Variants in FBXL4 observed in about 807,000 individuals in gnomAD.
FBXL4 encodes F-box and leucine rich repeat protein 4, also known as F-box/LRR-repeat protein 4.
FBXL4 carries 40 observed loss-of-function variants against 58.9 expected under a neutral mutation model. The observed-to-expected ratio is 0.68, with a 90% confidence interval of 0.53 to 0.88. FBXL4 has a LOEUF of 0.88. FBXL4 is among the 40% of genes least tolerant of loss of function. The pLI is 0.00. For synonymous variants in FBXL4, 263 were observed against 265.5 expected (o/e 0.99, Z 0.09); for missense variants, 676 against 734.4 (o/e 0.92, Z 0.92).
chr6:98,875,814 ATTGC>A, intron 8 of FBXL4, 87 bp from the exon 9 acceptor site: 1 of 1,309,960 alleles, frequency 7.6e-7, no homozygotes, highest in Non-Finnish European at 1.1e-6. Context: ...ATTATAACCT[ATTGC>A]TTTGCTTCCA....
intron 7 of FBXL4, among the ~76,000 whole-genome samples, chr6:98,896,273 G>C (rs531427461): frequency 6.6e-6 from 1 of 152,304 alleles, no homozygotes; most frequent in East Asian, 1.9e-4. Flanking sequence ...TAAAAGGAGT[G>C]TGTGTATCAA....
At chr6:98,886,680 G>A (rs946214987) in intron 7 of FBXL4, among the ~76,000 whole-genome samples, 2 of 152,120 alleles carry the variant, frequency 1.3e-5, no homozygotes, top group African/African-American at 4.8e-5. Flanking sequence ...AAGGTATAGA[G>A]GTCCTGCTCT....
In FBXL4 at chr6:98,913,049, T is replaced by C. The variant is rs542087865; in HGVS notation, c.858+4325A>G. Reference sequence around the variant, plus strand: ...ATCCTAGTCTCTGATAAAACAGACTTTAAACCAACAAAGATCAAAAGAGAC... The same window carrying C: ...ATCCTAGTCTCTGATAAAACAGACTCTAAACCAACAAAGATCAAAAGAGAC... On this transcript the variant is annotated intron_variant, in intron 5 of 9. Transcript: ENST00000369244. Among the ~76,000 whole-genome samples, 367 of 151,862 alleles carry C rather than the reference T, an allele frequency of 2.4e-3. 2 individuals carry two copies. The highest frequency in any genetic ancestry group is 3.7e-3 in the Non-Finnish European group (250 of 67,940).
intron 5 of FBXL4, among the ~76,000 whole-genome samples, chr6:98,907,587 T>G (rs1313492174): frequency 6.6e-6 from 1 of 152,206 alleles, no homozygotes; most frequent in Non-Finnish European, 1.5e-5. Context: ...TTCAAAGAAC[T>G]GCTTAAATAG....
intron 5 of FBXL4, 60 bp from the exon 6 acceptor site, chr6:98,905,730 C>T (rs1771786130): frequency 1.3e-6 from 2 of 1,521,592 alleles, no homozygotes; most frequent in Non-Finnish European, 9.0e-7. Flanking sequence ...TTCTATGAAA[C>T]ATATAACATA....
Position 98,936,684 on chromosome 6 carries a change from CAT to C in FBXL4, c.-308-1807_-308-1806del, listed in dbSNP as rs1395294539. ...AGAATACAGTATACAATACATATAA[CAT>C]ATAAAACATATATTAACCAACTGTA... On this transcript the variant is annotated intron_variant, in intron 1 of 9. Coordinates refer to ENST00000369244, the MANE Select transcript of FBXL4 (RefSeq NM_001278716.2). Among the ~76,000 whole-genome samples, 3 of 152,098 alleles carry C rather than the reference CAT, an allele frequency of 2.0e-5. No individual in the cohort carries two copies. The East Asian group carries it at 5.8e-4, about 29-fold the overall frequency.
chr6:98,913,654 G>A (rs900774191), intron 5 of FBXL4, among the ~76,000 whole-genome samples: 4 of 152,180 alleles, frequency 2.6e-5, no homozygotes, highest in East Asian at 1.9e-4. Context: ...TCTCTGGGAT[G>A]CATTCAAAGC....
At chr6:98,891,816 TGA>T (rs1771239812) in intron 7 of FBXL4, among the ~76,000 whole-genome samples, 1 of 152,272 alleles carries the variant, frequency 6.6e-6, no homozygotes, top group African/African-American at 2.4e-5. Flanking sequence ...ATGCCAACTG[TGA>T]GAGGATGGGT....
At chr6:98,946,378 T>C (rs1269273262) in intron 1 of FBXL4, among the ~76,000 whole-genome samples, 1 of 152,020 alleles carries the variant, frequency 6.6e-6, no homozygotes, top group Non-Finnish European at 1.5e-5. Context: ...AAAACGGAGG[T>C]GGATATTTAT....
At chr6:98,905,737 CATAAT>C in intron 5 of FBXL4, 67 bp from the exon 6 acceptor site, 4 of 1,481,164 alleles carry the variant, frequency 2.7e-6, no homozygotes, top group Non-Finnish European at 3.7e-6. Flanking sequence ...AAACATATAA[CATAAT>C]CTAATAAGGA....
At chr6:98,926,026 T>C (rs1292998405) in intron 4 of FBXL4, among the ~76,000 whole-genome samples, 3 of 152,180 alleles carry the variant, frequency 2.0e-5, no homozygotes, top group Non-Finnish European at 4.4e-5. Context: ...TGAATATGGG[T>C]GTTGCAAAAA....
At chr6:98,915,450 T>C (rs1484233965) in intron 5 of FBXL4, among the ~76,000 whole-genome samples, 95 of 152,030 alleles carry the variant, frequency 6.2e-4, no homozygotes, top group African/African-American at 2.1e-3. Context: ...CAAAACAGCA[T>C]GGTACTGGTA....
rs1172015167 is a variant in FBXL4 at position 98,899,301 on chromosome 6, A to G, written c.1284T>C (p.Leu428=). 1.2e-6 allele frequency: 2 copies of G among 1,614,012 alleles called. No homozygotes were observed. The highest frequency in any genetic ancestry group is 3.3e-5 in the Admixed American group (2 of 60,000). The part of the protein sequence containing the change: ...AFNHIAKLCS[L]KRLVLYRTKV... ...TTGTTCGATAGAGAACAAGTCGTTT[A>G]AGGCTGCATAACTTGGCAATGTGGT... is the stretch of plus-strand genomic sequence containing the variant. The change falls in exon 7 of 10, where the codon CTT becomes CTC. Residue 428 remains leucine (L), a synonymous_variant. Transcript: ENST00000369244.
At chr6:98,886,378 T>C (rs571704524) in intron 7 of FBXL4, among the ~76,000 whole-genome samples, 214 of 152,262 alleles carry the variant, frequency 1.4e-3, no homozygotes, top group Non-Finnish European at 2.4e-3. Flanking sequence ...GAAATCTGAG[T>C]ACATTCCTCA....
At chr6:98,929,144 A>G (rs889097423) in intron 2 of FBXL4, among the ~76,000 whole-genome samples, 1 of 152,238 alleles carries the variant, frequency 6.6e-6, no homozygotes, top group Non-Finnish European at 1.5e-5. Flanking sequence ...TTTAAATTGT[A>G]TAACAGCATC....
chr6:98,894,216 G>A (rs554311878), intron 7 of FBXL4, among the ~76,000 whole-genome samples: 1 of 152,258 alleles, frequency 6.6e-6, no homozygotes, highest in East Asian at 1.9e-4. Flanking sequence ...ACATCATCAT[G>A]TATGGTTAAA....
chr6:98,900,577 T>C (rs759089864), intron 6 of FBXL4, among the ~76,000 whole-genome samples: 1 of 152,076 alleles, frequency 6.6e-6, no homozygotes, highest in Non-Finnish European at 1.5e-5. Context: ...AAACGCAGAC[T>C]TGAAGTATGT....
chr6:98,918,232 C>CT (rs1772445301), intron 4 of FBXL4, among the ~76,000 whole-genome samples: 2 of 152,170 alleles, frequency 1.3e-5, no homozygotes, highest in East Asian at 3.9e-4. Context: ...TTTCAAGAAA[C>CT]TGTTTCTTGT....
At chr6:98,899,861 C>T (rs1771542271) in intron 6 of FBXL4, among the ~76,000 whole-genome samples, 1 of 152,092 alleles carries the variant, frequency 6.6e-6, no homozygotes, top group African/African-American at 2.4e-5. Context: ...GATATTTCCC[C>T]CTCAACAGTA....
Sources: allele counts gnomAD v4.1 joint callset (sites outside exome capture counted in the v4.1 genomes callset), GRCh38; gene constraint gnomAD v4.1.1; transcripts MANE v1.5; gene names NCBI Gene and HGNC (gene_info 2026-07-23, HGNC 2026-07-21).